Variants in COL14A1 observed in about 807,000 individuals in gnomAD.
COL14A1 encodes collagen alpha-1(XIV) chain.
In COL14A1, 136 loss-of-function variants were observed where a neutral mutation model predicts 230.3. The observed-to-expected ratio is 0.59, with a 90% CI of 0.51 to 0.68. The LOEUF (loss-of-function observed/expected upper bound fraction) is 0.68, where lower values mean the gene tolerates loss of function less well. Ranked by LOEUF, COL14A1 falls within the 30% of genes least tolerant of loss-of-function variation. The pLI, the probability that COL14A1 is intolerant of heterozygous loss-of-function variation, is 0.00. For synonymous variants in COL14A1, 792 were observed against 784.1 expected, an observed-to-expected ratio of 1.01 and a Z score of -0.17; for missense variants, 1,976 against 2,215.8, an observed-to-expected ratio of 0.89 and a Z score of 2.17.
At chr8:120,217,913 A>T (rs1468640887) in intron 14 of COL14A1, among the ~76,000 whole-genome samples, 1 of 148,726 alleles carries the variant, frequency 6.7e-6, no homozygotes, top group Admixed American at 6.8e-5. Flanking sequence ...GAAATACTCT[A>T]TGTTTTGCTT....
At chr8:120,322,222 G>A (rs1008362910) in intron 40 of COL14A1, among the ~76,000 whole-genome samples, 3 of 151,862 alleles carry the variant, frequency 2.0e-5, no homozygotes, top group Admixed American at 2.0e-4. Context: ...GGGGCCTGTT[G>A]GGGGGTGGGG....
chr8:120,172,800 C>A (rs2130601308), intron 5 of COL14A1, among the ~76,000 whole-genome samples: 1 of 152,282 alleles, frequency 6.6e-6, no homozygotes, highest in South Asian at 2.1e-4. Context: ...GAGGGTGCCT[C>A]CCTTACATAA....
In COL14A1 at chr8:120,369,401, C is replaced by T; in HGVS notation, c.5227C>T (p.His1743Tyr). ...GSPGPRGPPGHLGVPGPQGPS... is the reference protein window; with the variant it reads ...GSPGPRGPPGYLGVPGPQGPS... ...TCCTGGACCAAGAGGCCCACCAGGT[C>T]ATCTGGGGGTTCCTGGACCCCAAGG... Residue 1743 changes from histidine (H) to tyrosine (Y), a missense_variant, in exon 47 of 48, where the codon CAT becomes TAT. Transcript: ENST00000297848. The T allele has an allele frequency of 1.2e-6, 2 of 1,610,766 alleles. No homozygotes were observed. Among genetic ancestry groups the T allele is most frequent in the Non-Finnish European group, 1.7e-6 (2 of 1,178,534 alleles).
intron 19 of COL14A1, chr8:120,232,208 T>C (rs1157798148): frequency 6.6e-6 from 1 of 152,212 alleles, no homozygotes; most frequent in Non-Finnish European, 1.5e-5. Flanking sequence ...CATTGAGTTT[T>C]CTTTGAGTTG....
chr8:120,141,463 T>G (rs1240303604), intron 1 of COL14A1, among the ~76,000 whole-genome samples: 1 of 151,958 alleles, frequency 6.6e-6, no homozygotes, highest in Non-Finnish European at 1.5e-5. Context: ...GAGAATCACT[T>G]GAGTCCAACA....
intron 37 of COL14A1, among the ~76,000 whole-genome samples, chr8:120,312,265 A>G (rs999337840): frequency 1.3e-5 from 2 of 152,036 alleles, no homozygotes; most frequent in African/African-American, 4.8e-5. Flanking sequence ...TGCTCCTTGT[A>G]AGAATAGTTA....
chr8:120,139,221 C>T (rs1814814679), intron 1 of COL14A1, among the ~76,000 whole-genome samples: 1 of 152,136 alleles, frequency 6.6e-6, no homozygotes, highest in African/African-American at 2.4e-5. Context: ...TGTTATGTGT[C>T]TCTGATTCTT....
chr8:120,227,172 C>A, intron 16 of COL14A1, 48 bp from the exon 17 acceptor site: 1 of 1,592,096 alleles, frequency 6.3e-7, no homozygotes, highest in Non-Finnish European at 8.6e-7. Flanking sequence ...TTTTTCTTTA[C>A]TTTTTTTTCA....
Position 120,337,410 on chromosome 8 carries a change from AAAAAAAAAG to A in COL14A1, c.4786-3908_4786-3900del, listed in dbSNP as rs1157930681. Among the ~76,000 whole-genome samples the A allele has an allele frequency of 1.9e-4, 29 of 151,620 alleles. 1 individual carries two copies. The highest frequency in any genetic ancestry group is 1.0e-3 in the South Asian group (5 of 4,786). On this transcript the variant is annotated intron_variant, in intron 42 of 47. Transcript: ENST00000297848. ...GACTCTGTCTCAAAATTAAAAAAAA[AAAAAAAAAG>A]AAAAAAGAAAAAAGAAAAAAAAGAA...
At chr8:120,289,812 A>G (rs758041588) in intron 34 of COL14A1, 46 bp downstream of exon 34, 2 of 1,558,274 alleles carry the variant, frequency 1.3e-6, no homozygotes, top group South Asian at 2.4e-5. Context: ...AAGGGAGAGA[A>G]ATTATTTTAA....
intron 19 of COL14A1, among the ~76,000 whole-genome samples, chr8:120,235,472 C>T (rs201132522): frequency 1.3e-5 from 2 of 151,912 alleles, no homozygotes; most frequent in African/African-American, 4.8e-5. Flanking sequence ...GCCCCCTTTA[C>T]CATTTTTTAT....
intron 45 of COL14A1, among the ~76,000 whole-genome samples, chr8:120,354,760 C>G (rs1822917601): frequency 6.6e-6 from 1 of 152,138 alleles, no homozygotes; most frequent in African/African-American, 2.4e-5. Flanking sequence ...TTCAAGTTTT[C>G]TATCTGAAGC....
At chr8:120,316,512 T>G (rs1224588540) in intron 40 of COL14A1, among the ~76,000 whole-genome samples, 1 of 152,192 alleles carries the variant, frequency 6.6e-6, no homozygotes, top group African/African-American at 2.4e-5. Flanking sequence ...TGGTATTTGT[T>G]TAGTCAATAA....
chr8:120,200,748 TA>T (rs1817219574), intron 8 of COL14A1, among the ~76,000 whole-genome samples: 2 of 72,926 alleles, frequency 2.7e-5, no homozygotes, highest in African/African-American at 4.9e-5. Flanking sequence ...TATATATATA[TA>T]TATATATATA....
chr8:120,199,701 C>A (rs1817165188), intron 8 of COL14A1, 135 bp downstream of exon 8: 3 of 829,216 alleles, frequency 3.6e-6, no homozygotes, highest in Non-Finnish European at 3.7e-6. Context: ...TTGTCATAGG[C>A]AGCCCTGTGA....
intron 40 of COL14A1, among the ~76,000 whole-genome samples, chr8:120,324,707 A>G (rs1225137166): frequency 6.6e-6 from 1 of 152,196 alleles, no homozygotes; most frequent in African/African-American, 2.4e-5. Flanking sequence ...GAATAACCTT[A>G]ACAATTGGCC....
intron 34 of COL14A1, among the ~76,000 whole-genome samples, chr8:120,294,381 T>G (rs906836122): frequency 6.6e-6 from 1 of 151,144 alleles, no homozygotes; most frequent in African/African-American, 2.4e-5. Context: ...TTTCAAGTAT[T>G]CCCTTGAAAG....
intron 25 of COL14A1, chr8:120,267,103 T>C (rs1586817813): frequency 2.0e-6 from 1 of 491,272 alleles, no homozygotes; most frequent in East Asian, 3.6e-5. Context: ...AATTGCTTAA[T>C]ACTATTTTTT....
At chr8:120,213,973 T>C (rs537114937) in intron 13 of COL14A1, 55 of 412,742 alleles carry the variant, frequency 1.3e-4, no homozygotes, top group African/African-American at 1.1e-3. Flanking sequence ...TCCTACAAGA[T>C]CTTTATTGTC....
Sources: gnomAD v4.1 joint callset for allele counts (sites outside exome capture counted in the v4.1 genomes callset) on GRCh38, gnomAD v4.1.1 for gene constraint, MANE v1.5 for transcripts, NCBI Gene and HGNC (gene_info 2026-07-23, HGNC 2026-07-21) for gene names.